The following SLC2A7 variants were observed in gnomAD, a reference collection of about 807,000 sequenced individuals.
The protein encoded by SLC2A7 is solute carrier family 2 member 7, also known as solute carrier family 2, facilitated glucose transporter member 7.
A neutral mutation model predicts 50.5 loss-of-function variants in SLC2A7; 50 were observed. The observed-to-expected ratio is 0.99, with a 90% CI of 0.79 to 1.25. The LOEUF is 1.25. Ranked by LOEUF, SLC2A7 falls within the 50% of genes most tolerant of loss-of-function variation. The pLI, the probability that SLC2A7 is intolerant of heterozygous loss-of-function variation, is 0.00. For synonymous variants in SLC2A7, 308 were observed against 300.4 expected (o/e 1.03, Z -0.26); for missense variants, 683 against 679.1 (o/e 1.01, Z -0.06).
At chr1:9,019,044 A>T (rs916791201) in intron 4 of SLC2A7, among the ~76,000 whole-genome samples, 165 bp downstream of exon 4, 1 of 152,184 alleles carries the variant, frequency 6.6e-6, no homozygotes, top group African/African-American at 2.4e-5. Context: ...TTAATTAATT[A>T]AGAAAAACAA....
At position 9,018,367 on chromosome 1, in the gene SLC2A7, A is replaced by C. The variant is rs1384544586; in HGVS notation, c.445T>G (p.Tyr149Asp). ...VVLGVCAGISYSALPMYLGEL... is the reference protein window; with the variant it reads ...VVLGVCAGISDSALPMYLGEL... The stretch of plus-strand genomic sequence containing the variant: ...CCCAGGTACATGGGAAGGGCGCTGT[A>C]GGAGATGCCTGGTTTGGGCACAGCA... The change falls in exon 5 of 12, where the codon TAC becomes GAC. Residue 149 changes from tyrosine to aspartate, a missense_variant. Physicochemically the swap from Tyr to Asp is radical, Grantham distance 160. Transcript: ENST00000400906. The C allele has an allele frequency of 3.1e-6, 5 of 1,614,178 alleles. No individual in the cohort carries two copies. The highest frequency in any genetic ancestry group is 1.1e-5 in the South Asian group (1 of 91,076).
At position 9,023,013 on chromosome 1, in the gene SLC2A7, G is replaced by T; in HGVS notation, c.216C>A (p.Leu72=). The part of the protein sequence containing the change: ...ERHATFMDGK[L]MLLLWSCTVS... ...CGGTGCAAGACCATAGAAGCAGCAT[G>T]AGCTTCCCGTCCATGAATGTTGCGT... is the stretch of plus-strand genomic sequence containing the variant. The change falls in exon 3 of 12, where the codon CTC becomes CTA. Residue 72 remains leucine (L), a synonymous_variant. Coordinates refer to ENST00000400906, the MANE Select transcript of SLC2A7 (RefSeq NM_207420.3). The T allele has an allele frequency of 6.2e-7, 1 of 1,614,182 alleles. No homozygotes were observed. Among genetic ancestry groups the T allele is most frequent in the Non-Finnish European group, 8.5e-7 (1 of 1,180,034 alleles).
rs1046504972 is a variant in SLC2A7 at position 9,008,844 on chromosome 1, C to T, written c.1116+1299G>A. Among the ~76,000 whole-genome samples, 3 of 152,226 alleles carry T rather than the reference C, an allele frequency of 2.0e-5. No individual in the cohort carries two copies. The highest frequency in any genetic ancestry group is 7.2e-5 in the African/African-American group (3 of 41,462). ...CTCCTGACCTCAGGTGATCCACCCGCTTTGGCTTCCCAAAGTGCTGGGATT... is the reference window on the plus strand; with the variant it reads ...CTCCTGACCTCAGGTGATCCACCCGTTTTGGCTTCCCAAAGTGCTGGGATT... On this transcript the variant is annotated intron_variant, in intron 9 of 11. Coordinates refer to ENST00000400906, the MANE Select transcript of SLC2A7 (RefSeq NM_207420.3). This position sits in a 1 kb window ranked among gnomAD's most constrained non-coding sequence, Gnocchi z 5.9.
chr1:9,011,746 C>CTTTTTTTTTT (rs34758810), intron 8 of SLC2A7, among the ~76,000 whole-genome samples: 2 of 93,230 alleles, frequency 2.1e-5, no homozygotes, highest in African/African-American at 4.6e-5. Flanking sequence ...TCTTCTTCTT[C>CTTTTTTTTTT]TTTTTTTTTT....
Position 9,023,061 on chromosome 1 carries a change from G to A in SLC2A7, c.168C>T (p.Tyr56=), listed in dbSNP as rs775604624. The A allele has an allele frequency of 6.2e-7, 1 of 1,613,762 alleles. No homozygotes were observed. The highest frequency in any genetic ancestry group is 8.5e-7 in the Non-Finnish European group (1 of 1,179,752). ...NTPHKVFKSF[Y]NETYFERHAT... is the part of the protein sequence containing the mutation. ...CGTGTCGCTCAAAGTAGGTTTCGTT[G>A]TAAAATGACTTGAAGACCTGGAAAA... The change falls in exon 3 of 12, where the codon TAC becomes TAT. Residue 56 remains tyrosine, a synonymous_variant. Transcript: ENST00000400906.
At chr1:9,005,292 C>T (rs1025794473) in intron 10 of SLC2A7, among the ~76,000 whole-genome samples, 1 of 152,160 alleles carries the variant, frequency 6.6e-6, no homozygotes, top group Non-Finnish European at 1.5e-5. Context: ...GGAAGTGCCG[C>T]CCTCCTATGG....
At chr1:8,996,689 G>A in the SLC2A7 span, among the ~76,000 whole-genome samples, 1 of 152,284 alleles carries the variant, frequency 6.6e-6, no homozygotes, top group African/African-American at 2.4e-5. Context: ...AAAACTTGTA[G>A]TCAGTATTTT....
chr1:9,013,283 GC>G (rs1255553983), intron 8 of SLC2A7, among the ~76,000 whole-genome samples: 2 of 152,220 alleles, frequency 1.3e-5, no homozygotes, highest in African/African-American at 4.8e-5. Context: ...GCTCGCCTTG[GC>G]CTTCCGAAGT....
chr1:9,009,574 AGCTTCCT>A (rs1190836346), intron 9 of SLC2A7, among the ~76,000 whole-genome samples: 2 of 152,144 alleles, frequency 1.3e-5, no homozygotes, highest in South Asian at 2.1e-4. Context: ...CTCCCACCTC[AGCTTCCT>A]GAGTAGCTGG....
At chr1:9,005,299 A>G (rs1224044511) in intron 10 of SLC2A7, among the ~76,000 whole-genome samples, 3 of 152,132 alleles carry the variant, frequency 2.0e-5, no homozygotes, top group African/African-American at 4.8e-5. Flanking sequence ...CCGCCCTCCT[A>G]TGGCGGATCT....
At position 9,013,649 on chromosome 1, in the gene SLC2A7, C is replaced by T. The variant is rs1348122881; in HGVS notation, c.904-14G>A. 5.6e-6 allele frequency: 9 copies of T among 1,609,316 alleles called. No homozygotes were observed. The highest frequency in any genetic ancestry group is 7.7e-6 in the Non-Finnish European group (9 of 1,176,116). On this transcript the variant is annotated splice_polypyrimidine_tract_variant and intron_variant, in intron 7 of 11. Coordinates refer to ENST00000400906, the MANE Select transcript of SLC2A7 (RefSeq NM_207420.3). ...ATAGTAGTTGATCTAAACAAAAACA[C>T]AGGGCTGTCAGGACAGGCCGGAAGA... is the stretch of plus-strand genomic sequence containing the variant.
chr1:9,006,463 G>A (rs1042201620), intron 10 of SLC2A7, among the ~76,000 whole-genome samples: 1 of 150,744 alleles, frequency 6.6e-6, no homozygotes, highest in African/African-American at 2.4e-5. Flanking sequence ...GGCTAGGCTG[G>A]TCTCGAACTT....
chr1:9,010,188 G>T lies in SLC2A7; in HGVS notation c.1071C>A (p.Ile357=). The T allele has an allele frequency of 6.4e-7, 1 of 1,552,272 alleles. No homozygotes were observed. The highest frequency in any genetic ancestry group is 1.4e-5 in the African/African-American group (1 of 73,184). Residue 357 remains isoleucine (I), a synonymous_variant, in exon 9 of 12, where the codon ATC becomes ATA. Transcript: ENST00000400906. ...RRHLLLAGYG[I]CGSACLVLTV... ...TCAGCACCAGGCAGGCAGAGCCGCA[G>T]ATGCCGTAGCCGGCCAGCAGGAGGT...
At position 9,010,169 on chromosome 1, in the gene SLC2A7, C is replaced by T; in HGVS notation, c.1090G>A (p.Val364Met). ...TGGAATAGGAGCACCACCGTCAGCA[C>T]CAGGCAGGCAGAGCCGCAGATGCCG... ...GYGICGSACLVLTVVLLFQNR... is the reference protein window; with the variant it reads ...GYGICGSACLMLTVVLLFQNR... The change falls in exon 9 of 12, where the codon GTG (valine) becomes ATG (methionine). Residue 364 changes from valine to methionine, a missense_variant. Val to Met is a conservative substitution (Grantham distance 21). Coordinates refer to ENST00000400906, the MANE Select transcript of SLC2A7 (RefSeq NM_207420.3). 1 of 1,552,684 alleles carries T rather than the reference C, an allele frequency of 6.4e-7. No individual in the cohort carries two copies. The highest frequency in any genetic ancestry group is 8.7e-7 in the Non-Finnish European group (1 of 1,147,606).
At chr1:8,994,727 G>A in the SLC2A7 span, among the ~76,000 whole-genome samples, 1 of 152,088 alleles carries the variant, frequency 6.6e-6, no homozygotes. Context: ...TGGCCAAGCG[G>A]AGACTAGACT....
chr1:9,007,272 C>G, intron 10 of SLC2A7, 38 bp downstream of exon 10: 1 of 1,609,736 alleles, frequency 6.2e-7, no homozygotes, highest in Non-Finnish European at 8.5e-7. Context: ...AGGAATGGAC[C>G]AGGATGGCCG....
chr1:9,012,027 G>C (rs1033090423), intron 8 of SLC2A7, among the ~76,000 whole-genome samples: 3 of 152,090 alleles, frequency 2.0e-5, no homozygotes, highest in Admixed American at 2.0e-4. Flanking sequence ...AGGAATTACA[G>C]GCATGAGCCA....
the SLC2A7 span, among the ~76,000 whole-genome samples, chr1:8,993,607 A>G: frequency 6.6e-6 from 1 of 152,156 alleles, no homozygotes; most frequent in Admixed American, 6.5e-5. Context: ...ATGTGAAATA[A>G]AAGTATTCTA....
chr1:8,992,710 G>A, the SLC2A7 span, among the ~76,000 whole-genome samples: 2 of 152,166 alleles, frequency 1.3e-5, no homozygotes, highest in Non-Finnish European at 2.9e-5. Flanking sequence ...GGGGAGGCCT[G>A]GCTTCCAGTA....
Sources: gnomAD v4.1 joint callset for allele counts (sites outside exome capture counted in the v4.1 genomes callset) on GRCh38, gnomAD v4.1.1 for gene constraint, Gnocchi (gnomAD v3.1) non-coding constraint, MANE v1.5 for transcripts, NCBI Gene and HGNC (gene_info 2026-07-23, HGNC 2026-07-21) for gene names.